SMAD2: variants seen among roughly 807,000 people sequenced by gnomAD.
The protein encoded by SMAD2 is SMAD family member 2, also known as MAD homolog 2.
SMAD2 carries 8 observed loss-of-function variants against 64.4 expected under a neutral mutation model. That is an observed-to-expected ratio of 0.12 (90% CI 0.07 to 0.22). The LOEUF is 0.22. Ranked by LOEUF, SMAD2 falls within the 10% of genes least tolerant of loss-of-function variation. The probability of loss-of-function intolerance (pLI) is 1.00; values close to 1 mark genes in which losing one functional copy is unlikely to be tolerated. For synonymous variants in SMAD2, 203 were observed against 195.8 expected (o/e 1.04, Z -0.31); for missense variants, 289 against 561.2 (o/e 0.51, Z 4.90).
chr18:47,903,221 G>C (rs952420969), intron 1 of SMAD2, among the ~76,000 whole-genome samples: 5 of 152,124 alleles, frequency 3.3e-5, no homozygotes, highest in Non-Finnish European at 7.4e-5. Flanking sequence ...CTTTCACCCA[G>C]ATACTCAGGA....
intron 2 of SMAD2, among the ~76,000 whole-genome samples, chr18:47,887,596 A>G (rs1007678792): frequency 1.3e-5 from 2 of 152,094 alleles, no homozygotes; most frequent in African/African-American, 4.8e-5. Context: ...AACTTCAACT[A>G]TTATGTCTTA....
chr18:47,851,853 T>C (rs2030126520), intron 6 of SMAD2, among the ~76,000 whole-genome samples: 3 of 152,186 alleles, frequency 2.0e-5, no homozygotes, highest in Admixed American at 2.0e-4. Flanking sequence ...CAATAACTAA[T>C]CTTGACCGTT....
Position 47,851,254 on chromosome 18 carries a change from G to T in SMAD2, c.784+20C>A. ...GTGATACAGTATAAAAATGATGAGG[G>T]GAACATATGTGCAACTTACCCAAGC... is the stretch of plus-strand genomic sequence containing the variant. On this transcript the variant is annotated intron_variant, in intron 7 of 10. Coordinates refer to ENST00000262160, the MANE Select transcript of SMAD2 (RefSeq NM_005901.6). 1.9e-6 allele frequency: 3 copies of T among 1,551,184 alleles called. No homozygotes were observed. Among genetic ancestry groups the T allele is most frequent in the Non-Finnish European group, 2.7e-6 (3 of 1,123,806 alleles).
intron 1 of SMAD2, among the ~76,000 whole-genome samples, chr18:47,915,260 T>G (rs1393776829): frequency 6.6e-6 from 1 of 152,210 alleles, no homozygotes; most frequent in African/African-American, 2.4e-5. Flanking sequence ...CCATGGTCAT[T>G]TAACAGTTTT....
intron 2 of SMAD2, among the ~76,000 whole-genome samples, chr18:47,890,816 A>T (rs1241874849): frequency 1.3e-5 from 2 of 152,206 alleles, no homozygotes; most frequent in African/African-American, 4.8e-5. Context: ...TATTATGAAA[A>T]AGCAGTTGCT....
At chr18:47,928,431 A>T (rs1396239395) in intron 1 of SMAD2, among the ~76,000 whole-genome samples, 1 of 152,244 alleles carries the variant, frequency 6.6e-6, no homozygotes, top group Non-Finnish European at 1.5e-5. Flanking sequence ...TCTAATATTT[A>T]CAATGTGAAA....
At chr18:47,850,646 G>A (rs1187355982) in intron 7 of SMAD2, among the ~76,000 whole-genome samples, 6 of 36,580 alleles carry the variant, frequency 1.6e-4, no homozygotes, top group Admixed American at 6.4e-4. Flanking sequence ...TATATATTAT[G>A]TATAATATAT....
chr18:47,829,914 AT>A lies in SMAD2; in HGVS notation c.*11912del, dbSNP rs1305629709. 2 of 152,234 alleles carry A rather than the reference AT, an allele frequency of 1.3e-5. No homozygotes were observed. The highest frequency in any genetic ancestry group is 3.8e-4 in the East Asian group (2 of 5,200). The allele number at this position is 152,234 out of a possible 1,614,324, so 9.4% of individuals were successfully genotyped here. Reference sequence around the variant, plus strand: ...GTATAAAATTTTGTCAGTGGTTTTCATTTTAGAATTAAAAATTTGAATTTCC... The same window carrying A: ...GTATAAAATTTTGTCAGTGGTTTTCATTTAGAATTAAAAATTTGAATTTCC... On this transcript the variant is annotated 3_prime_UTR_variant, in exon 11 of 11. Coordinates refer to ENST00000262160, the MANE Select transcript of SMAD2 (RefSeq NM_005901.6).
rs147732220 is a variant in SMAD2, at chr18:47,848,752, T to C, written c.785-65A>G. The C allele has an allele frequency of 1.8e-4, 206 of 1,115,894 alleles. 4 individuals carry two copies. The East Asian group carries it at 3.9e-3, about 21-fold the overall frequency. 69.1% of individuals were successfully genotyped at this position (1,115,894 alleles called of 1,614,324 possible). ...ATGCGTGAACAATTCAAGCCAAAAA[T>C]AGATTTAATATAATCATCTTTACAT... On this transcript the variant is annotated intron_variant, in intron 7 of 10. Transcript: ENST00000262160.
chr18:47,892,799 T>C (rs1051752838), intron 2 of SMAD2, among the ~76,000 whole-genome samples: 1 of 152,170 alleles, frequency 6.6e-6, no homozygotes, highest in Non-Finnish European at 1.5e-5. Flanking sequence ...GGATGAAAGA[T>C]CAAAAATGTG....
At chr18:47,915,488 T>G (rs1460992014) in intron 1 of SMAD2, among the ~76,000 whole-genome samples, 1 of 152,218 alleles carries the variant, frequency 6.6e-6, no homozygotes, top group African/African-American at 2.4e-5. Flanking sequence ...CACAACCTGC[T>G]ATGAATAGGC....
intron 1 of SMAD2, among the ~76,000 whole-genome samples, chr18:47,904,295 C>T (rs946022258): frequency 6.7e-6 from 1 of 150,252 alleles, no homozygotes; most frequent in Non-Finnish European, 1.5e-5. Flanking sequence ...GGAAAGTCTA[C>T]CAAACCCAAG....
rs1380659867 is a variant in SMAD2, at chr18:47,811,145, TATGGCCTGCCACAC to T, written c.*30668_*30681del. The T allele has an allele frequency of 6.6e-6, 1 of 152,170 alleles. No individual in the cohort carries two copies. Among genetic ancestry groups the T allele is most frequent in the Non-Finnish European group, 1.5e-5 (1 of 68,042 alleles). The allele number at this position is 152,170 out of a possible 1,614,324, so 9.4% of individuals were successfully genotyped here. A position where few individuals can be genotyped will look rare whatever the true frequency, so the allele number is the denominator to read the frequency against. On this transcript the variant is annotated 3_prime_UTR_variant, in exon 11 of 11. Transcript: ENST00000262160. Reference sequence around the variant, plus strand: ...GGAACAGGGTGAAAACTTCAGATCTTATGGCCTGCCACACTGGAAGGCCTACTCTGATTTGAAAG... The same window carrying T: ...GGAACAGGGTGAAAACTTCAGATCTTTGGAAGGCCTACTCTGATTTGAAAG...
At chr18:47,874,825 T>C (rs548154654) in intron 2 of SMAD2, among the ~76,000 whole-genome samples, 3 of 152,316 alleles carry the variant, frequency 2.0e-5, no homozygotes, top group African/African-American at 7.2e-5. Flanking sequence ...TGCATGCTTG[T>C]ATGTGTATAC....
intron 10 of SMAD2, among the ~76,000 whole-genome samples, chr18:47,843,664 A>G (rs1406190320): frequency 2.0e-5 from 3 of 152,192 alleles, no homozygotes; most frequent in African/African-American, 7.2e-5. Flanking sequence ...AGATAGATGG[A>G]TATTTGCCAT....
At chr18:47,888,841 A>G (rs1012231755) in intron 2 of SMAD2, among the ~76,000 whole-genome samples, 34 of 152,346 alleles carry the variant, frequency 2.2e-4, no homozygotes, top group African/African-American at 7.2e-4. Context: ...AGAATGGACA[A>G]TAACAGAAGC....
intron 1 of SMAD2, among the ~76,000 whole-genome samples, chr18:47,924,012 G>C (rs2034662104): frequency 6.6e-6 from 1 of 152,146 alleles, no homozygotes; most frequent in Non-Finnish European, 1.5e-5. Flanking sequence ...ACTTTGGGAG[G>C]CCAAGGTGGG....
At chr18:47,909,450 G>T (rs1598879294) in intron 1 of SMAD2, among the ~76,000 whole-genome samples, 1 of 152,266 alleles carries the variant, frequency 6.6e-6, no homozygotes, top group East Asian at 1.9e-4. Flanking sequence ...AGGAGAAAGG[G>T]TATCTGCCTG....
At chr18:47,926,275 C>T (rs991201959) in intron 1 of SMAD2, among the ~76,000 whole-genome samples, 2 of 152,204 alleles carry the variant, frequency 1.3e-5, no homozygotes, top group Non-Finnish European at 2.9e-5. Context: ...GAGTGACAAT[C>T]TAAAGTATAT....
Sources: allele counts gnomAD v4.1 joint callset (sites outside exome capture counted in the v4.1 genomes callset), GRCh38; gene constraint gnomAD v4.1.1; transcripts MANE v1.5; gene names NCBI Gene and HGNC (gene_info 2026-07-23, HGNC 2026-07-21).